PKIB: variants seen among roughly 807,000 people sequenced by gnomAD.
PKIB encodes PKI-beta.
In PKIB, 2 loss-of-function variants were observed where a neutral mutation model predicts 4.5. The ratio of observed to expected loss-of-function variants is 0.44; its 90% confidence interval spans 0.18 to 1.39. The LOEUF (loss-of-function observed/expected upper bound fraction) is 1.39. Among genes scored for constraint, PKIB ranks in the 40% most tolerant of loss-of-function variants. The pLI is 0.27. For missense variants in PKIB, 94 were observed against 92.6 expected, an observed-to-expected ratio of 1.02 and a Z score of -0.06; for synonymous variants, 38 against 36.0, an observed-to-expected ratio of 1.06 and a Z score of -0.20.
intron 2 of PKIB, among the ~76,000 whole-genome samples, chr6:122,544,343 ATAC>A (rs1473977135): frequency 6.7e-6 from 1 of 149,834 alleles, no homozygotes; most frequent in African/African-American, 2.5e-5. Context: ...GAAAAGTCAT[ATAC>A]TTAACCCTAA....
intron 3 of PKIB, among the ~76,000 whole-genome samples, chr6:122,686,869 T>G (rs1242140709): frequency 1.3e-5 from 2 of 152,162 alleles, no homozygotes; most frequent in African/African-American, 4.8e-5. Flanking sequence ...ATTATTAATC[T>G]CTTGTCACAT....
At chr6:122,720,945 G>T (rs968494355) in intron 4 of PKIB, among the ~76,000 whole-genome samples, 1 of 152,206 alleles carries the variant, frequency 6.6e-6, no homozygotes, top group East Asian at 1.9e-4. Context: ...CAGGTGATCC[G>T]CCTGCCTTGG....
chr6:122,474,284 A>G (rs1775393276), intron 1 of PKIB, among the ~76,000 whole-genome samples: 1 of 152,210 alleles, frequency 6.6e-6, no homozygotes, highest in Admixed American at 6.5e-5. Context: ...GTTTTCAGAT[A>G]AGCTTGGATG....
At chr6:122,539,729 T>C (rs1466447527) in intron 2 of PKIB, among the ~76,000 whole-genome samples, 2 of 152,094 alleles carry the variant, frequency 1.3e-5, no homozygotes, top group Admixed American at 6.6e-5. Flanking sequence ...TCTTTTTCTA[T>C]TGATTGGAAT....
chr6:122,562,833 CTA>C (rs1476886085), intron 2 of PKIB, among the ~76,000 whole-genome samples: 1 of 151,516 alleles, frequency 6.6e-6, no homozygotes, highest in Non-Finnish European at 1.5e-5. Flanking sequence ...CTTAAGCTAT[CTA>C]TTTCTTTGAA....
At chr6:122,710,670 G>A (rs923465633) in intron 3 of PKIB, among the ~76,000 whole-genome samples, 4 of 152,130 alleles carry the variant, frequency 2.6e-5, no homozygotes, top group Non-Finnish European at 4.4e-5. Flanking sequence ...CTGCTCACGT[G>A]GTAAAGGTGC....
chr6:122,560,510 A>AGT, intron 2 of PKIB, among the ~76,000 whole-genome samples: 1 of 151,932 alleles, frequency 6.6e-6, no homozygotes, highest in African/African-American at 2.4e-5. Context: ...TTTTTTGGTT[A>AGT]TGTCCTTTCC....
At chr6:122,690,839 G>A (rs1162533491) in intron 3 of PKIB, among the ~76,000 whole-genome samples, 1 of 151,136 alleles carries the variant, frequency 6.6e-6, no homozygotes, top group Non-Finnish European at 1.5e-5. Context: ...TTTCTTGTAA[G>A]ACAGGTCTGG....
At chr6:122,707,053 G>T (rs1287150190) in intron 3 of PKIB, among the ~76,000 whole-genome samples, 1 of 151,862 alleles carries the variant, frequency 6.6e-6, no homozygotes, top group Non-Finnish European at 1.5e-5. Flanking sequence ...TGTACAAAAT[G>T]TTTTTATAAA....
intron 1 of PKIB, among the ~76,000 whole-genome samples, chr6:122,628,880 G>C (rs1775576451): frequency 6.6e-6 from 1 of 152,110 alleles, no homozygotes; most frequent in Non-Finnish European, 1.5e-5. Flanking sequence ...TCCCTTACTA[G>C]AGGTTACCTA....
At chr6:122,499,457 A>G (rs760658952) in intron 2 of PKIB, among the ~76,000 whole-genome samples, 5 of 152,116 alleles carry the variant, frequency 3.3e-5, no homozygotes, top group Non-Finnish European at 7.4e-5. Context: ...AAAAACAAAA[A>G]CCATATGATT....
intron 3 of PKIB, among the ~76,000 whole-genome samples, chr6:122,708,958 C>A (rs1779166154): frequency 6.6e-6 from 1 of 152,138 alleles, no homozygotes; most frequent in South Asian, 2.1e-4. Flanking sequence ...TGCCTACAGT[C>A]CAACATCAGA....
rs532359596 is a variant in PKIB at position 122,477,331 on chromosome 6, A to C, written c.-336-520A>C. On this transcript the variant is annotated intron_variant, in intron 1 of 6. Transcript: ENST00000392491. ...AAGCAATCATATTTTTCTTTGTATA[A>C]GTTATTTAGATATTTCAGATAAAGT... Among the ~76,000 whole-genome samples the C allele has an allele frequency of 3.0e-3, 461 of 152,308 alleles. 2 individuals carry two copies. The highest frequency in any genetic ancestry group is 0.011 in the African/African-American group (438 of 41,580).
chr6:122,474,520 T>C (rs1466149595), intron 1 of PKIB, among the ~76,000 whole-genome samples: 1 of 152,252 alleles, frequency 6.6e-6, no homozygotes, highest in Non-Finnish European at 1.5e-5. Flanking sequence ...TCTTTTCTCA[T>C]AATTAAACTT....
chr6:122,662,514 T>C (rs1202281729), intron 2 of PKIB, among the ~76,000 whole-genome samples: 5 of 151,488 alleles, frequency 3.3e-5, no homozygotes, highest in African/African-American at 7.3e-5. Flanking sequence ...GAGACAGGGT[T>C]TCCCCATGTT....
intron 2 of PKIB, among the ~76,000 whole-genome samples, chr6:122,528,866 C>A (rs1777172882): frequency 6.6e-6 from 1 of 151,982 alleles, no homozygotes; most frequent in African/African-American, 2.4e-5. Flanking sequence ...CAGAGTAAGA[C>A]CTTATTTCTT....
At chr6:122,569,065 T>C (rs764710780) in intron 2 of PKIB, among the ~76,000 whole-genome samples, 1 of 152,126 alleles carries the variant, frequency 6.6e-6, no homozygotes, top group Non-Finnish European at 1.5e-5. Flanking sequence ...TCTGGAACTT[T>C]ATCCCAGTAG....
chr6:122,483,153 T>C (rs952677223), intron 2 of PKIB: 10 of 152,136 alleles, frequency 6.6e-5, no homozygotes, highest in African/African-American at 1.9e-4. Flanking sequence ...TAGTAAGTTA[T>C]CTCTTTTTCT....
intron 2 of PKIB, among the ~76,000 whole-genome samples, chr6:122,531,653 C>T (rs556530829): frequency 1.4e-3 from 213 of 152,262 alleles, no homozygotes; most frequent in African/African-American, 4.9e-3. Flanking sequence ...GTGTCTCCAC[C>T]TCCTTCCACT....
Sources: gnomAD v4.1 joint callset for allele counts (sites outside exome capture counted in the v4.1 genomes callset) on GRCh38, gnomAD v4.1.1 for gene constraint, MANE v1.5 for transcripts, NCBI Gene and HGNC (gene_info 2026-07-23, HGNC 2026-07-21) for gene names.